Variants in BTBD8 observed in about 807,000 individuals in gnomAD.
BTBD8 encodes the protein BTB/POZ domain-containing protein 8.
Under a neutral mutation model 162.9 loss-of-function variants are expected in BTBD8, and 110 were observed. That is an observed-to-expected ratio of 0.68 (90% CI 0.58 to 0.79). The LOEUF is 0.79. BTBD8 is among the 30% of genes least tolerant of loss of function. The pLI, the probability that BTBD8 is intolerant of heterozygous loss-of-function variation, is 0.00. For synonymous variants in BTBD8, 667 were observed against 716.1 expected, an observed-to-expected ratio of 0.93 and a Z score of 1.10; for missense variants, 1,905 against 2,085.4, an observed-to-expected ratio of 0.91 and a Z score of 1.68.
intron 1 of BTBD8, 114 bp from the exon 2 acceptor site, chr1:92,088,584 T>G (rs1648216691): frequency 5.0e-6 from 4 of 801,102 alleles, no homozygotes; most frequent in Admixed American, 3.5e-5. Flanking sequence ...GTATTAACTT[T>G]ATGTTGCCTC....
Sources: allele counts gnomAD v4.1 joint callset, GRCh38; gene constraint gnomAD v4.1.1; transcripts MANE v1.5; gene names NCBI Gene and HGNC (gene_info 2026-07-23, HGNC 2026-07-21).